Variants in COBL observed in about 807,000 individuals in gnomAD.
COBL encodes protein cordon-bleu.
A neutral mutation model predicts 98.8 loss-of-function variants in COBL; 51 were observed. The observed-to-expected ratio is 0.52, with a 90% CI of 0.41 to 0.65. COBL has a LOEUF of 0.65. Ranked by LOEUF, COBL falls within the 30% of genes least tolerant of loss-of-function variation. The pLI, the probability that COBL is intolerant of heterozygous loss-of-function variation, is 0.00. For missense variants in COBL, 1,617 were observed against 1,617.5 expected (o/e 1.00, Z 0.01); for synonymous variants, 634 against 651.7 (o/e 0.97, Z 0.41).
chr7:51,102,928 T>C (rs1212365089), intron 6 of COBL, among the ~76,000 whole-genome samples: 2 of 152,150 alleles, frequency 1.3e-5, no homozygotes, highest in Non-Finnish European at 2.9e-5. Flanking sequence ...GGAGTTGCTG[T>C]TGAAGGGGTA....
At chr7:51,142,431 C>T (rs573681379) in intron 5 of COBL, among the ~76,000 whole-genome samples, 12 of 143,820 alleles carry the variant, frequency 8.3e-5, no homozygotes, top group South Asian at 6.7e-4. Context: ...TCACCCAGGC[C>T]GGAGTGCAAT....
chr7:51,265,007 A>T (rs1798074160), intron 1 of COBL, among the ~76,000 whole-genome samples: 1 of 152,108 alleles, frequency 6.6e-6, no homozygotes, highest in Non-Finnish European at 1.5e-5. Flanking sequence ...GGCCCTCAGT[A>T]GGTCACTCAT....
intron 1 of COBL, among the ~76,000 whole-genome samples, chr7:51,307,803 G>A (rs1457998743): frequency 6.6e-6 from 1 of 152,222 alleles, no homozygotes; most frequent in Admixed American, 6.5e-5. Flanking sequence ...GTGGTAAAGT[G>A]TAGCAATTTA....
rs182110529 is a variant in COBL at position 51,236,289 on chromosome 7, G to T, written c.42-16345C>A. Among the ~76,000 whole-genome samples the T allele has an allele frequency of 2.7e-3, 414 of 152,278 alleles. 1 individual carries two copies. The highest frequency in any genetic ancestry group is 0.017 in the Middle Eastern group (5 of 294). ...CATAGAGGGGGATTCAGAGGTAGAG[G>T]TTACAGTGCAACAGGCACTGGGCAG... On this transcript the variant is annotated intron_variant, in intron 1 of 12. Transcript: ENST00000265136.
chr7:51,155,589 CAAAAAAAA>C (rs58500324), intron 5 of COBL, among the ~76,000 whole-genome samples: 704 of 30,748 alleles, frequency 0.023, 3 homozygotes, highest in South Asian at 0.086. Context: ...GACTCCATCT[CAAAAAAAA>C]AAAAAAAAAA....
chr7:51,252,228 T>C (rs1489322151), intron 1 of COBL, among the ~76,000 whole-genome samples: 1 of 152,194 alleles, frequency 6.6e-6, no homozygotes, highest in Non-Finnish European at 1.5e-5. Context: ...CACCATATAA[T>C]TTGCCCATTT....
intron 2 of COBL, among the ~76,000 whole-genome samples, chr7:51,205,682 A>C (rs1791629611): frequency 6.7e-6 from 1 of 149,372 alleles, no homozygotes; most frequent in Non-Finnish European, 1.5e-5. Context: ...CACTAAAAGC[A>C]TAGAGAGCAA....
At chr7:51,132,628 T>G (rs147013580) in intron 6 of COBL, among the ~76,000 whole-genome samples, 240 of 152,324 alleles carry the variant, frequency 1.6e-3, no homozygotes, top group African/African-American at 5.5e-3. Context: ...TTAGTCAGTC[T>G]GTGTTGCTCT....
At chr7:51,167,441 G>A (rs1787427440) in intron 5 of COBL, among the ~76,000 whole-genome samples, 1 of 151,960 alleles carries the variant, frequency 6.6e-6, no homozygotes, top group South Asian at 2.1e-4. Context: ...AGAAATTAAA[G>A]AGGATACCAA....
intron 1 of COBL, among the ~76,000 whole-genome samples, chr7:51,240,894 C>T (rs749626388): frequency 3.9e-5 from 6 of 152,186 alleles, no homozygotes; most frequent in African/African-American, 1.2e-4. Flanking sequence ...GTGAAATTTA[C>T]GAGACCACCC....
rs202110435 is a variant in COBL at position 51,073,038 on chromosome 7, GAATT to G, written c.1096+12124_1096+12127del. ...ACTGAATATCCAATAAGAAAAACAT[GAATT>G]AATAATGAATTAAAATAAAGCAGAG... is the stretch of plus-strand genomic sequence containing the variant. On this transcript the variant is annotated intron_variant, in intron 7 of 12. Transcript: ENST00000265136. 324 of 249,134 alleles carry G rather than the reference GAATT, an allele frequency of 1.3e-3. 3 individuals are homozygous for G. Among genetic ancestry groups the G allele is most frequent in the African/African-American group, 6.7e-3 (301 of 44,976 alleles). The allele number at this position is 249,134 out of a possible 1,614,324, so 15.4% of individuals were successfully genotyped here. A position where few individuals can be genotyped will look rare whatever the true frequency, so the allele number is the denominator to read the frequency against.
intron 6 of COBL, among the ~76,000 whole-genome samples, chr7:51,113,304 T>G (rs1796998312): frequency 6.6e-6 from 1 of 152,196 alleles, no homozygotes; most frequent in Non-Finnish European, 1.5e-5. Flanking sequence ...TAAGGAAGAC[T>G]TACCAGGCTT....
intron 1 of COBL, among the ~76,000 whole-genome samples, chr7:51,295,860 T>G (rs939854326): frequency 6.6e-6 from 1 of 152,176 alleles, no homozygotes; most frequent in Non-Finnish European, 1.5e-5. Context: ...CAATGAAAAT[T>G]TAAAAACCCT....
intron 7 of COBL, among the ~76,000 whole-genome samples, chr7:51,063,934 G>A (rs71540287): frequency 0.02 from 3,121 of 152,296 alleles, 54 homozygotes; most frequent in Non-Finnish European, 0.032. Context: ...AGTTAAGCAA[G>A]TTGCCTGAAA....
chr7:51,074,201 T>C (rs1792838558), intron 7 of COBL, among the ~76,000 whole-genome samples: 1 of 144,952 alleles, frequency 6.9e-6, no homozygotes, highest in Admixed American at 6.9e-5. Flanking sequence ...ATTTTTTTTT[T>C]TTTTTTTTTT....
rs981660054 is a variant in COBL at position 51,108,969 on chromosome 7, T to G, written c.958-23665A>C. Among the ~76,000 whole-genome samples, 9 of 105,708 alleles carry G rather than the reference T, an allele frequency of 8.5e-5. 1 individual carries two copies. Among genetic ancestry groups the G allele is most frequent in the Non-Finnish European group, 1.6e-4 (7 of 43,058 alleles). The allele number at this position is 105,708 out of a possible 152,430, so 69.3% of individuals were successfully genotyped here. ...ACACACACACACACCCCCTGCCCCA[T>G]GAAGTTTACTGAAAGAACTGGTTCC... On this transcript the variant is annotated intron_variant, in intron 6 of 12. Coordinates refer to ENST00000265136, the MANE Select transcript of COBL (RefSeq NM_015198.5).
intron 1 of COBL, among the ~76,000 whole-genome samples, chr7:51,228,435 G>A (rs567667274): frequency 4.6e-5 from 7 of 150,720 alleles, no homozygotes; most frequent in Non-Finnish European, 1.0e-4. Context: ...TTGTCTCTGC[G>A]AGGGTAGAGT....
chr7:51,279,207 G>A (rs1346746719), intron 1 of COBL, among the ~76,000 whole-genome samples: 1 of 152,180 alleles, frequency 6.6e-6, no homozygotes, highest in Non-Finnish European at 1.5e-5. Context: ...ATCTTTCAAA[G>A]TAGCTACACT....
chr7:51,034,559 A>G (rs564969027), intron 8 of COBL: 2 of 152,238 alleles, frequency 1.3e-5, no homozygotes, highest in African/African-American at 4.8e-5. Context: ...TTCCTTACTA[A>G]CTCCCATCTA....
Sources: gnomAD v4.1 joint callset for allele counts (sites outside exome capture counted in the v4.1 genomes callset) on GRCh38, gnomAD v4.1.1 for gene constraint, MANE v1.5 for transcripts, NCBI Gene and HGNC (gene_info 2026-07-23, HGNC 2026-07-21) for gene names.